The following ANO2 variants were observed in gnomAD, a reference collection of about 807,000 sequenced individuals.
ANO2 encodes the protein anoctamin 2.
ANO2 carries 101 observed loss-of-function variants against 124.2 expected under a neutral mutation model. The observed-to-expected ratio is 0.81, with a 90% confidence interval of 0.69 to 0.96. The LOEUF is 0.96. ANO2 is among the 40% of genes least tolerant of loss of function. The pLI, the probability that ANO2 is intolerant of heterozygous loss-of-function variation, is 0.00. For missense variants in ANO2, 1,293 were observed against 1,274.5 expected, an observed-to-expected ratio of 1.01 and a Z score of -0.22; for synonymous variants, 486 against 482.5, an observed-to-expected ratio of 1.01 and a Z score of -0.09.
intron 3 of ANO2, among the ~76,000 whole-genome samples, chr12:5,866,976 G>T (rs759075935): frequency 2.6e-5 from 4 of 152,234 alleles, no homozygotes; most frequent in Admixed American, 6.5e-5. Context: ...GCAGGGAGTT[G>T]GTCTAGGGGT....
At chr12:5,864,876 G>A (rs550556739) in intron 3 of ANO2, among the ~76,000 whole-genome samples, 28 of 152,256 alleles carry the variant, frequency 1.8e-4, no homozygotes, top group Non-Finnish European at 3.4e-4. Context: ...TCCCCTTCCT[G>A]TCTTTCATTT....
chr12:5,762,725 A>G (rs957953518), intron 10 of ANO2, among the ~76,000 whole-genome samples: 1 of 151,948 alleles, frequency 6.6e-6, no homozygotes, highest in African/African-American at 2.4e-5. Flanking sequence ...TTTATTATAA[A>G]GGTATTAAAA....
intron 4 of ANO2, among the ~76,000 whole-genome samples, chr12:5,841,111 C>T (rs144801152): frequency 3.7e-4 from 57 of 152,350 alleles, no homozygotes; most frequent in African/African-American, 1.3e-3. Context: ...CACAGGCACA[C>T]GCTGAGCCAG....
At chr12:5,572,437 C>T (rs919170290) in intron 23 of ANO2, among the ~76,000 whole-genome samples, 16 of 152,202 alleles carry the variant, frequency 1.1e-4, no homozygotes, top group African/African-American at 3.9e-4. Flanking sequence ...GGTTTCATCT[C>T]CCTTGAAAAT....
chr12:5,691,520 C>T (rs964386011), intron 14 of ANO2, among the ~76,000 whole-genome samples: 1 of 151,994 alleles, frequency 6.6e-6, no homozygotes, highest in Admixed American at 6.6e-5. Context: ...TAGCCAAAGC[C>T]ATCATTGAGT....
At chr12:5,824,090 G>A (rs1396051544) in intron 7 of ANO2, among the ~76,000 whole-genome samples, 1 of 152,078 alleles carries the variant, frequency 6.6e-6, no homozygotes, top group Non-Finnish European at 1.5e-5. Context: ...TTTTCCTCCT[G>A]GGCCTCTGGG....
At chr12:5,640,577 C>G (rs1054515127) in intron 15 of ANO2, among the ~76,000 whole-genome samples, 2 of 152,190 alleles carry the variant, frequency 1.3e-5, no homozygotes, top group Admixed American at 1.3e-4. Context: ...TATGAACAGA[C>G]ACTTCTCAAA....
chr12:5,885,686 G>A (rs1275293899), intron 3 of ANO2, among the ~76,000 whole-genome samples: 1 of 152,160 alleles, frequency 6.6e-6, no homozygotes, highest in Non-Finnish European at 1.5e-5. Flanking sequence ...TTACTAGCTA[G>A]CCCCGAGTTC....
At chr12:5,830,396 C>G (rs1475290211) in intron 6 of ANO2, 39 bp downstream of exon 6, 2 of 1,600,440 alleles carry the variant, frequency 1.2e-6, no homozygotes, top group East Asian at 4.5e-5. Flanking sequence ...CAGCCCTTTC[C>G]CCATCCTCTT....
chr12:5,859,541 T>TC (rs374271082), intron 3 of ANO2, among the ~76,000 whole-genome samples: 57 of 136,648 alleles, frequency 4.2e-4, no homozygotes, highest in Middle Eastern at 3.8e-3. Flanking sequence ...TCTCTCTCTC[T>TC]TTTTTTTTTT....
chr12:5,774,858 C>A (rs1952181856), intron 10 of ANO2, among the ~76,000 whole-genome samples: 2 of 152,320 alleles, frequency 1.3e-5, no homozygotes, highest in South Asian at 2.1e-4. Context: ...TTAGAAATAA[C>A]CCTGTCAGTT....
chr12:5,726,051 G>C (rs966471921), intron 14 of ANO2, among the ~76,000 whole-genome samples: 2 of 151,674 alleles, frequency 1.3e-5, no homozygotes, highest in African/African-American at 4.8e-5. Flanking sequence ...GGAACAGAGA[G>C]AATTGGTGAC....
At chr12:5,615,146 T>C in intron 17 of ANO2, 40 bp downstream of exon 17, 1 of 1,547,638 alleles carries the variant, frequency 6.5e-7, no homozygotes, top group Non-Finnish European at 8.9e-7. Flanking sequence ...CCAGTCTTAG[T>C]GGCAAATTGC....
intron 1 of ANO2, among the ~76,000 whole-genome samples, chr12:5,931,809 A>G: frequency 7.2e-6 from 1 of 138,440 alleles, no homozygotes; most frequent in African/African-American, 2.8e-5. Context: ...GAGTGAGGAA[A>G]GAAGATAGAC....
intron 3 of ANO2, among the ~76,000 whole-genome samples, chr12:5,883,277 A>G (rs1428706692): frequency 6.6e-6 from 1 of 152,178 alleles, no homozygotes; most frequent in Non-Finnish European, 1.5e-5. Flanking sequence ...GGTAGAGGAC[A>G]CATGTCCCCC....
chr12:5,717,526 C>T lies in ANO2; in HGVS notation c.1545+14994G>A, dbSNP rs1468705. Among the ~76,000 whole-genome samples, 7 of 152,266 alleles carry T rather than the reference C, an allele frequency of 4.6e-5. No individual in the cohort carries two copies. In the South Asian group the frequency reaches 1.2e-3, roughly 27 times the overall value. On this transcript the variant is annotated intron_variant, in intron 14 of 24. Coordinates refer to ENST00000682330, the MANE Select transcript of ANO2 (RefSeq NM_001364791.2). The stretch of plus-strand genomic sequence containing the variant: ...CCTGCAACACCCTGATCCAGTTCCC[C>T]AAACTTGAAGGCTCTGTAAGATACG...
chr12:5,813,074 G>GAGGAGGGAAGGA (rs1953486697), intron 7 of ANO2, among the ~76,000 whole-genome samples: 1 of 146,014 alleles, frequency 6.8e-6, no homozygotes, highest in African/African-American at 2.5e-5. Flanking sequence ...GAAGACGAAA[G>GAGGAGGGAAGGA]AGGAAGGAAA....
chr12:5,690,324 G>A (rs1948877341), intron 14 of ANO2, among the ~76,000 whole-genome samples: 1 of 152,116 alleles, frequency 6.6e-6, no homozygotes, highest in African/African-American at 2.4e-5. Context: ...GGATTCCCCT[G>A]AAGAAACATA....
At chr12:5,768,890 G>GCT (rs1333828668) in intron 10 of ANO2, among the ~76,000 whole-genome samples, 1 of 152,272 alleles carries the variant, frequency 6.6e-6, no homozygotes, top group South Asian at 2.1e-4. Context: ...ACTCACAAGG[G>GCT]CTCTGAGTTC....
Sources: gnomAD v4.1 joint callset for allele counts (sites outside exome capture counted in the v4.1 genomes callset) on GRCh38, gnomAD v4.1.1 for gene constraint, MANE v1.5 for transcripts, NCBI Gene and HGNC (gene_info 2026-07-23, HGNC 2026-07-21) for gene names.